PCYT2: variants seen among roughly 807,000 people sequenced by gnomAD.
PCYT2 encodes the protein ethanolamine-phosphate cytidylyltransferase.
PCYT2 carries 33 observed loss-of-function variants against 50.0 expected under a neutral mutation model. The ratio of observed to expected loss-of-function variants is 0.66; its 90% CI spans 0.50 to 0.88. The LOEUF is 0.88. PCYT2 is among the 40% of genes least tolerant of loss of function. The pLI is 0.00. For synonymous variants in PCYT2, 240 were observed against 203.7 expected, an observed-to-expected ratio of 1.18 and a Z score of -1.52; for missense variants, 430 against 519.7, an observed-to-expected ratio of 0.83 and a Z score of 1.68.
chr17:81,905,378 C>T lies in PCYT2; in HGVS notation c.969+4G>A. ...TGTGCCCAGCAAGGGCCAGCATGAC[C>T]CACCTGGTATGGGTCGGAGCCATCC... On this transcript the variant is annotated splice_donor_region_variant and intron_variant, in intron 11 of 12. Coordinates refer to ENST00000538936, the MANE Select transcript of PCYT2 (RefSeq NM_002861.5). 1 of 1,556,442 alleles carries T rather than the reference C, an allele frequency of 6.4e-7. No homozygotes were observed. The highest frequency in any genetic ancestry group is 8.7e-7 in the Non-Finnish European group (1 of 1,149,970).
chr17:81,908,305 TC>T (rs2040389463), intron 4 of PCYT2, among the ~76,000 whole-genome samples: 1 of 152,136 alleles, frequency 6.6e-6, no homozygotes, highest in Non-Finnish European at 1.5e-5. Flanking sequence ...GCCAGCCACG[TC>T]CCCCGAGCTC....
At position 81,903,925 on chromosome 17, in the gene PCYT2, A is replaced by G. The variant is rs572345667; in HGVS notation, c.*908T>C. On this transcript the variant is annotated 3_prime_UTR_variant, in exon 13 of 13. Transcript: ENST00000538936. ...TCCCTAGACACCTCCCGGAGGCTGCAGTAAGAACCTCTTCGGCCTCTGGGC... is the reference window on the plus strand; with the variant it reads ...TCCCTAGACACCTCCCGGAGGCTGCGGTAAGAACCTCTTCGGCCTCTGGGC... 1.3e-5 allele frequency: 2 copies of G among 152,368 alleles called. No homozygotes were observed. The highest frequency in any genetic ancestry group is 3.9e-4 in the East Asian group (2 of 5,178). 9.4% of individuals were successfully genotyped at this position (152,368 alleles called of 1,614,324 possible). A position where few individuals can be genotyped will look rare whatever the true frequency, so the allele number is the denominator to read the frequency against.
At position 81,904,719 on chromosome 17, in the gene PCYT2, C is replaced by T. The variant is rs2040144323; in HGVS notation, c.*114G>A. 7.3e-6 allele frequency: 5 copies of T among 686,362 alleles called. No individual in the cohort carries two copies. The highest frequency in any genetic ancestry group is 1.2e-5 in the Non-Finnish European group (5 of 411,738). 42.5% of individuals were successfully genotyped at this position (686,362 alleles called of 1,614,324 possible). A position where few individuals can be genotyped will look rare whatever the true frequency, so the allele number is the denominator to read the frequency against. On this transcript the variant is annotated 3_prime_UTR_variant, in exon 13 of 13. Coordinates refer to ENST00000538936, the MANE Select transcript of PCYT2 (RefSeq NM_002861.5). ...GGCAGGCAAGGAGGCAGAGTCCTCA[C>T]CAGCCCTTCCAGAGCCAGGCCAGTT...
chr17:81,902,897 G>A lies in PCYT2; in HGVS notation c.*1936C>T. On this transcript the variant is annotated 3_prime_UTR_variant, in exon 13 of 13. Transcript: ENST00000538936. ...TGGCAAACGAATAAATAAATGAGGC[G>A]GCCTCGGAGTGAGGGGTGCTGGAGG... 3 of 686,500 alleles carry A rather than the reference G, an allele frequency of 4.4e-6. No homozygotes were observed. The highest frequency in any genetic ancestry group is 3.8e-5 in the African/African-American group (2 of 52,722). The allele number at this position is 686,500 out of a possible 1,614,324, so 42.5% of individuals were successfully genotyped here.
chr17:81,911,100 A>C lies in PCYT2; in HGVS notation c.89+167T>G, dbSNP rs2040577010. The C allele has an allele frequency of 6.0e-6, 6 of 1,002,380 alleles. No individual in the cohort carries two copies. The South Asian group carries it at 2.8e-4, about 47-fold the overall frequency. The allele number at this position is 1,002,380 out of a possible 1,614,324, so 62.1% of individuals were successfully genotyped here. ...CCACGGCAGGGCGCGGAGCCTCTGC[A>C]GCCCGACCCTCCCGGCAGGCGAGCC... is the stretch of plus-strand genomic sequence containing the variant. On this transcript the variant is annotated intron_variant, in intron 1 of 12. Coordinates refer to ENST00000538936, the MANE Select transcript of PCYT2 (RefSeq NM_002861.5).
chr17:81,903,828 G>A lies in PCYT2; in HGVS notation c.*1005C>T, dbSNP rs1231090546. 1.3e-5 allele frequency: 2 copies of A among 152,302 alleles called. No homozygotes were observed. The highest frequency in any genetic ancestry group is 2.9e-5 in the Non-Finnish European group (2 of 68,072). 9.4% of individuals were successfully genotyped at this position (152,302 alleles called of 1,614,324 possible). A position where few individuals can be genotyped will look rare whatever the true frequency, so the allele number is the denominator to read the frequency against. ...GTAGGGCAGAGGCCATTCTGGAGAGGAATGTGGGGCTGAAAAAAGTACTGA... is the reference window on the plus strand; with the variant it reads ...GTAGGGCAGAGGCCATTCTGGAGAGAAATGTGGGGCTGAAAAAAGTACTGA... On this transcript the variant is annotated 3_prime_UTR_variant, in exon 13 of 13. Transcript: ENST00000538936.
Position 81,905,421 on chromosome 17 carries a change from T to A in PCYT2, c.930A>T (p.Thr310=). 6.4e-7 allele frequency: 1 copy of A among 1,566,530 alleles called. No homozygotes were observed. Among genetic ancestry groups the A allele is most frequent in the Non-Finnish European group, 8.7e-7 (1 of 1,155,540 alleles). Residue 310 remains threonine, a synonymous_variant, in exon 11 of 13, where the codon ACA becomes ACT. Transcript: ENST00000538936. ...FKVDLVCHGK[T]EIIPDRDGSD... ...AGCCATCCCTGTCAGGGATAATTTC[T>A]GTCTTGCCGTGACACACCAGGTCCA...
At chr17:81,905,505 A>C in intron 10 of PCYT2, 58 bp from the exon 11 acceptor site, 4 of 1,492,720 alleles carry the variant, frequency 2.7e-6, no homozygotes, top group Non-Finnish European at 2.7e-6. Flanking sequence ...GTCGCCACCC[A>C]CAGCCCAGCA....
chr17:81,911,144 G>C, intron 1 of PCYT2, 123 bp downstream of exon 1: 2 of 1,001,672 alleles, frequency 2.0e-6, no homozygotes, highest in African/African-American at 1.7e-5. Flanking sequence ...TGCCAGCCCC[G>C]GCCCATGCCG....
intron 1 of PCYT2, 86 bp from the exon 2 acceptor site, chr17:81,909,688 C>G (rs1375246879): frequency 2.0e-6 from 2 of 1,010,966 alleles, no homozygotes; most frequent in African/African-American, 3.2e-5. Flanking sequence ...CTTTGCTCCT[C>G]TGAGGACTCC....
rs1043597058 is a variant in PCYT2 at position 81,902,154 on chromosome 17, G to A, written c.*2679C>T. ...CTCCGCGCGCGCCCGCTGCACCCCA[G>A]CCCGCCCGCCGCCCCTCCCGGCCCT... is the stretch of plus-strand genomic sequence containing the variant. On this transcript the variant is annotated 3_prime_UTR_variant, in exon 13 of 13. Transcript: ENST00000538936. 1.7e-5 allele frequency: 16 copies of A among 941,290 alleles called. No homozygotes were observed. Among genetic ancestry groups the A allele is most frequent in the South Asian group, 5.2e-5 (1 of 19,174 alleles). 58.3% of individuals were successfully genotyped at this position (941,290 alleles called of 1,614,324 possible).
chr17:81,901,394 A>T lies in PCYT2; in HGVS notation c.*3439T>A, dbSNP rs757485657. The T allele has an allele frequency of 6.6e-6, 1 of 152,190 alleles. No homozygotes were observed. The highest frequency in any genetic ancestry group is 1.5e-5 in the Non-Finnish European group (1 of 68,058). 9.4% of individuals were successfully genotyped at this position (152,190 alleles called of 1,614,324 possible). On this transcript the variant is annotated 3_prime_UTR_variant, in exon 13 of 13. Coordinates refer to ENST00000538936, the MANE Select transcript of PCYT2 (RefSeq NM_002861.5). ...CCTCTGGCAACACCCTCACAGACAC[A>T]CCCAGTGACAATACTTTGCATCCTT...
In PCYT2 at chr17:81,907,770, C is replaced by CA; in HGVS notation, c.492+2dup. 6.2e-7 allele frequency: 1 copy of CA among 1,613,080 alleles called. No individual in the cohort carries two copies. The highest frequency in any genetic ancestry group is 1.1e-5 in the South Asian group (1 of 91,076). ...GGCCTCGGGGATTCCGCCGCCGACT[C>CA]ACCTGGCTGCTGTGATGGGCTTTGG... On this transcript the variant is annotated splice_region_variant and intron_variant, in intron 5 of 12. Coordinates refer to ENST00000538936, the MANE Select transcript of PCYT2 (RefSeq NM_002861.5).
At chr17:81,907,467 G>A (rs952745980) in intron 6 of PCYT2, 87 bp downstream of exon 6, 1 of 1,419,490 alleles carries the variant, frequency 7.0e-7, no homozygotes, top group East Asian at 2.4e-5. Flanking sequence ...CTCTGGGCTG[G>A]CCTTTCCCCA....
chr17:81,904,885 G>C lies in PCYT2; in HGVS notation c.1118C>G (p.Ala373Gly). Residue 373 changes from alanine (A) to glycine (G), a missense_variant, in exon 13 of 13, where the codon GCT (alanine) becomes GGT (glycine). Transcript: ENST00000538936. ...KEAKELAFLE[A>G]ARQQAAQPLG... ...GGGCTGTGCCGCCTGCTGCCTGGCA[G>C]CCTCCAGGAAGGCCAGCTCCTTGGC... The C allele has an allele frequency of 6.2e-7, 1 of 1,613,030 alleles. No individual in the cohort carries two copies. The highest frequency in any genetic ancestry group is 8.5e-7 in the Non-Finnish European group (1 of 1,179,914).
At position 81,905,202 on chromosome 17, in the gene PCYT2, C is replaced by T. The variant is rs917026024; in HGVS notation, c.970-48G>A. On this transcript the variant is annotated intron_variant, in intron 11 of 12. Coordinates refer to ENST00000538936, the MANE Select transcript of PCYT2 (RefSeq NM_002861.5). ...CGGGATGAAGGTCCCTGCTGACCTC[C>T]CCAAGACCCATCTGATGCCCTGCCC... 3 of 1,509,026 alleles carry T rather than the reference C, an allele frequency of 2.0e-6. No homozygotes were observed. The African/African-American group carries it at 4.1e-5, about 21-fold the overall frequency. The allele number at this position is 1,509,026 out of a possible 1,614,324, so 93.5% of individuals were successfully genotyped here.
Position 81,903,491 on chromosome 17 carries a change from G to C in PCYT2, c.*1342C>G, listed in dbSNP as rs1431779097. The C allele has an allele frequency of 6.6e-6, 1 of 152,486 alleles. No individual in the cohort carries two copies. Among genetic ancestry groups the C allele is most frequent in the Non-Finnish European group, 1.5e-5 (1 of 68,258 alleles). 9.4% of individuals were successfully genotyped at this position (152,486 alleles called of 1,614,324 possible). On this transcript the variant is annotated 3_prime_UTR_variant, in exon 13 of 13. Transcript: ENST00000538936. ...CTACCCTCCCCAAGCCTGGGGCCCA[G>C]GCAGCCCCTGTCCAGCACCAATCTG...
At position 81,905,116 on chromosome 17, in the gene PCYT2, A is replaced by C. The variant is rs777261885; in HGVS notation, c.1008T>G (p.Ser336Arg). Residue 336 changes from serine to arginine, a missense_variant, in exon 12 of 13, where the codon AGT (serine) becomes AGG (arginine). By Grantham distance (110) the Ser-to-Arg change is moderately radical. This residue lies in a region of PCYT2 where 248 missense variants were observed against 300.2 expected (regional missense o/e 0.83). Coordinates refer to ENST00000538936, the MANE Select transcript of PCYT2 (RefSeq NM_002861.5). ...TGAGGTCTGTGGTGAGGTTGCTGCC[A>C]CTGTCAATCTGACGGAAGATGCCCC... is the stretch of plus-strand genomic sequence containing the variant. Reference protein sequence around the residue: ...KRRGIFRQIDSGSNLTTDLIV... With the variant: ...KRRGIFRQIDRGSNLTTDLIV... 1 of 1,613,414 alleles carries C rather than the reference A, an allele frequency of 6.2e-7. No individual in the cohort carries two copies. The highest frequency in any genetic ancestry group is 1.3e-5 in the African/African-American group (1 of 75,070).
chr17:81,905,961 G>A (rs1208552685), intron 9 of PCYT2, 139 bp downstream of exon 9: 1 of 783,436 alleles, frequency 1.3e-6, no homozygotes, highest in East Asian at 2.7e-5. Flanking sequence ...GTATGGGCAG[G>A]TGCCACAGAA....
Sources: gnomAD v4.1 joint callset for allele counts (sites outside exome capture counted in the v4.1 genomes callset) on GRCh38, gnomAD v4.1.1 for gene constraint, gnomAD v4.1.1 regional missense constraint, MANE v1.5 for transcripts, NCBI Gene and HGNC (gene_info 2026-07-23, HGNC 2026-07-21) for gene names.